The following ULK4 variants were observed in gnomAD, a reference collection of about 807,000 sequenced individuals.
The protein encoded by ULK4 is unc-51 like kinase 4.
In ULK4, 133 loss-of-function variants were observed where a neutral mutation model predicts 160.6. That is an observed-to-expected ratio of 0.83 (90% CI 0.72 to 0.96). ULK4 has a LOEUF of 0.96. Among genes scored for constraint, ULK4 ranks in the 40% least tolerant of loss-of-function variants. ULK4 has a pLI of 0.00. For missense variants in ULK4, 1,580 were observed against 1,499.5 expected (o/e 1.05, Z -0.89); for synonymous variants, 534 against 539.8 (o/e 0.99, Z 0.15).
intron 20 of ULK4, among the ~76,000 whole-genome samples, chr3:41,795,838 T>C (rs1162624699): frequency 1.3e-5 from 2 of 152,180 alleles, no homozygotes; most frequent in Admixed American, 6.6e-5. Flanking sequence ...AGGTGAGAGA[T>C]GGCAGTGGCC....
chr3:41,929,404 G>A (rs1043142502), intron 5 of ULK4, among the ~76,000 whole-genome samples: 5 of 152,004 alleles, frequency 3.3e-5, no homozygotes, highest in South Asian at 4.1e-4. Flanking sequence ...GGACAAAAAA[G>A]GAAAGCATTC....
intron 32 of ULK4, among the ~76,000 whole-genome samples, chr3:41,526,886 T>C (rs1471326260): frequency 6.7e-6 from 1 of 149,808 alleles, no homozygotes; most frequent in Non-Finnish European, 1.5e-5. Context: ...AAAATAAAAG[T>C]GACATTTTTT....
intron 31 of ULK4, among the ~76,000 whole-genome samples, chr3:41,568,619 T>C (rs531330476): frequency 2.0e-5 from 3 of 152,358 alleles, no homozygotes; most frequent in African/African-American, 7.2e-5. Flanking sequence ...CATACATTTC[T>C]ACCAGTTGTG....
chr3:41,762,582 G>T (rs968593741), intron 21 of ULK4, among the ~76,000 whole-genome samples: 1 of 150,538 alleles, frequency 6.6e-6, no homozygotes, highest in African/African-American at 2.4e-5. Context: ...AGTCATGGTA[G>T]AAGGTGAAGG....
intron 35 of ULK4, among the ~76,000 whole-genome samples, chr3:41,323,294 G>A (rs1424632143): frequency 6.6e-6 from 1 of 151,514 alleles, no homozygotes; most frequent in East Asian, 1.9e-4. Context: ...CATATTCAAG[G>A]ACATATATTA....
chr3:41,920,234 C>T (rs1342186151), intron 5 of ULK4, among the ~76,000 whole-genome samples: 1 of 152,192 alleles, frequency 6.6e-6, no homozygotes, highest in Non-Finnish European at 1.5e-5. Context: ...GATAGAGGCT[C>T]CAACTCCACT....
At chr3:41,701,385 G>GT (rs1462655076) in intron 27 of ULK4, among the ~76,000 whole-genome samples, 1 of 152,168 alleles carries the variant, frequency 6.6e-6, no homozygotes, top group Non-Finnish European at 1.5e-5. Context: ...CTTGAGATTA[G>GT]TCACCAACCT....
intron 17 of ULK4, chr3:41,882,229 T>G: frequency 1.4e-6 from 1 of 702,978 alleles, no homozygotes; most frequent in South Asian, 1.5e-5. Context: ...GGCACTGGAG[T>G]GGAGTGTTGA....
At chr3:41,931,274 T>C (rs1332849651) in intron 5 of ULK4, among the ~76,000 whole-genome samples, 2 of 151,926 alleles carry the variant, frequency 1.3e-5, no homozygotes, top group African/African-American at 4.8e-5. Context: ...AAGTGGGAGT[T>C]GAACAATGAG....
chr3:41,563,477 C>A (rs1795314), intron 32 of ULK4, among the ~76,000 whole-genome samples: 37 of 152,082 alleles, frequency 2.4e-4, no homozygotes, highest in African/African-American at 7.0e-4. Context: ...CCATTCTCCC[C>A]GTCACGTTCA....
intron 32 of ULK4, among the ~76,000 whole-genome samples, chr3:41,516,165 T>C (rs1397718206): frequency 6.6e-6 from 1 of 152,212 alleles, no homozygotes; most frequent in Non-Finnish European, 1.5e-5. Context: ...TTGAATCTAT[T>C]AGAAATACAT....
chr3:41,401,403 T>C (rs189491007), intron 34 of ULK4, among the ~76,000 whole-genome samples: 8 of 152,312 alleles, frequency 5.3e-5, no homozygotes, highest in Admixed American at 1.3e-4. Flanking sequence ...GCTATTGTTG[T>C]CCTATGGTAC....
At chr3:41,368,232 G>A (rs1424578556) in intron 35 of ULK4, among the ~76,000 whole-genome samples, 1 of 151,738 alleles carries the variant, frequency 6.6e-6, no homozygotes, top group Admixed American at 6.6e-5. Context: ...GTTTTTTTCA[G>A]TAGAGATGGG....
At chr3:41,707,849 G>C (rs1372630573) in intron 25 of ULK4, among the ~76,000 whole-genome samples, 8 of 150,472 alleles carry the variant, frequency 5.3e-5, no homozygotes, top group African/African-American at 2.0e-4. Context: ...AAAAAAAAAA[G>C]TCAAAGGATT....
At chr3:41,715,051 G>T (rs1309418348) in intron 25 of ULK4, among the ~76,000 whole-genome samples, 186 bp downstream of exon 25, 1 of 152,104 alleles carries the variant, frequency 6.6e-6, no homozygotes, top group Non-Finnish European at 1.5e-5. Flanking sequence ...TATCAGGAGA[G>T]AATGTGTTTT....
chr3:41,835,458 C>G (rs1476365906), intron 18 of ULK4, among the ~76,000 whole-genome samples: 1 of 152,138 alleles, frequency 6.6e-6, no homozygotes, highest in Admixed American at 6.5e-5. Flanking sequence ...TGCCCATAGT[C>G]AGTTAAAAGC....
intron 32 of ULK4, among the ~76,000 whole-genome samples, chr3:41,479,297 T>C (rs1471318360): frequency 6.6e-6 from 1 of 152,240 alleles, no homozygotes; most frequent in Non-Finnish European, 1.5e-5. Context: ...CACTGGTTCA[T>C]TTGCAATACG....
chr3:41,849,117 C>T (rs1021427368), intron 17 of ULK4, among the ~76,000 whole-genome samples: 3 of 152,194 alleles, frequency 2.0e-5, no homozygotes, highest in Admixed American at 6.5e-5. Context: ...GCCACCTAGG[C>T]CTGCAGCAAC....
intron 17 of ULK4, among the ~76,000 whole-genome samples, chr3:41,874,664 GCAAAGGTATA>G (rs1697232126): frequency 1.3e-5 from 2 of 152,170 alleles, no homozygotes; most frequent in Non-Finnish European, 2.9e-5. Context: ...CTATGAGTAT[GCAAAGGTATA>G]CAGAATGGTA....
Sources: allele counts gnomAD v4.1 joint callset (sites outside exome capture counted in the v4.1 genomes callset), GRCh38; gene constraint gnomAD v4.1.1; transcripts MANE v1.5; gene names NCBI Gene and HGNC (gene_info 2026-07-23, HGNC 2026-07-21).